The following STAB2 variants were observed in gnomAD, a reference collection of about 807,000 sequenced individuals.
STAB2 encodes stabilin 2.
Under a neutral mutation model 338.1 loss-of-function variants are expected in STAB2, and 288 were observed. The observed-to-expected ratio is 0.85, with a 90% confidence interval of 0.77 to 0.94. The LOEUF (loss-of-function observed/expected upper bound fraction) is 0.94. Ranked by LOEUF, STAB2 falls within the 40% of genes least tolerant of loss-of-function variation. The pLI is 0.00. For missense variants in STAB2, 3,141 were observed against 3,210.1 expected, an observed-to-expected ratio of 0.98 and a Z score of 0.52; for synonymous variants, 1,202 against 1,193.3, an observed-to-expected ratio of 1.01 and a Z score of -0.15.
chr12:103,734,024 A>G (rs1028556196), intron 51 of STAB2, among the ~76,000 whole-genome samples: 1 of 151,528 alleles, frequency 6.6e-6, no homozygotes, highest in Non-Finnish European at 1.5e-5. Flanking sequence ...GCATGATCAT[A>G]TAGGAACAAG....
At position 103,631,642 on chromosome 12, in the gene STAB2, G is replaced by T; in HGVS notation, c.532G>T (p.Asp178Tyr). 6.2e-7 allele frequency: 1 copy of T among 1,614,176 alleles called. No individual in the cohort carries two copies. Among genetic ancestry groups the T allele is most frequent in the South Asian group, 1.1e-5 (1 of 91,080 alleles). The stretch of plus-strand genomic sequence containing the variant: ...GGTGTGCAACAGTGGACTAGATGGC[G>T]ATGGAACCTGTGAGTGCTACTCTGC... ...HGVCNSGLDG[D>Y]GTCECYSAYT... Residue 178 changes from aspartate to tyrosine, a missense_variant, in exon 6 of 69, where the codon GAT becomes TAT. By Grantham distance (160) the Asp-to-Tyr change is radical. Transcript: ENST00000388887.
chr12:103,711,582 T>C, intron 40 of STAB2, 66 bp downstream of exon 40: 1 of 1,562,198 alleles, frequency 6.4e-7, no homozygotes, highest in Non-Finnish European at 8.8e-7. Context: ...TTGTCTACCC[T>C]AGTCTCTATC....
intron 44 of STAB2, among the ~76,000 whole-genome samples, chr12:103,724,601 C>T (rs10861081): frequency 6.6e-6 from 1 of 152,058 alleles, no homozygotes; most frequent in Admixed American, 6.5e-5. Flanking sequence ...CCTGCCTTCT[C>T]TCTGATAATG....
chr12:103,745,641 C>T lies in STAB2; in HGVS notation c.6136+364C>T, dbSNP rs572447716. Among the ~76,000 whole-genome samples the T allele has an allele frequency of 5.3e-5, 8 of 152,176 alleles. No homozygotes were observed. The South Asian group carries it at 1.7e-3, about 32-fold the overall frequency. ...GGTTTCATGGAAATCACTTTGAAGG[C>T]CCGAGACCAGGGTCTGACCCCTGGT... On this transcript the variant is annotated intron_variant, in intron 57 of 68. Coordinates refer to ENST00000388887, the MANE Select transcript of STAB2 (RefSeq NM_017564.10).
rs778999101 is a variant in STAB2, at chr12:103,753,340, C to T, written c.6701C>T (p.Ser2234Phe). The change falls in exon 61 of 69, where the codon TCC becomes TTC. Residue 2234 changes from serine (S) to phenylalanine (F), a missense_variant. Physicochemically the swap from Ser to Phe is radical, Grantham distance 155 (BLOSUM62 -2). Transcript: ENST00000388887. ...AATMATYNQLSYAQKAKYHLC... is the reference protein window; with the variant it reads ...AATMATYNQLFYAQKAKYHLC... ...ACCATGGCAACCTACAACCAGCTCT[C>T]CTATGCCCAGAAGGTGGGTCTTCAG... The T allele has an allele frequency of 3.7e-6, 6 of 1,614,238 alleles. No individual in the cohort carries two copies. Among genetic ancestry groups the T allele is most frequent in the Non-Finnish European group, 5.1e-6 (6 of 1,180,038 alleles).
In STAB2 at chr12:103,660,389, G is replaced by T; in HGVS notation, c.1788+5G>T. The T allele has an allele frequency of 6.2e-7, 1 of 1,614,018 alleles. No homozygotes were observed. The highest frequency in any genetic ancestry group is 1.1e-5 in the South Asian group (1 of 91,070). On this transcript the variant is annotated splice_donor_5th_base_variant and intron_variant, in intron 16 of 68. Coordinates refer to ENST00000388887, the MANE Select transcript of STAB2 (RefSeq NM_017564.10). ...CACATTGTCCCATTTACCCAGGTTGGCCCCACTTTTCCTGCTGCTACTTTC... is the reference window on the plus strand; with the variant it reads ...CACATTGTCCCATTTACCCAGGTTGTCCCCACTTTTCCTGCTGCTACTTTC...
At chr12:103,664,906 C>T (rs1874942830) in intron 18 of STAB2, among the ~76,000 whole-genome samples, 1 of 152,182 alleles carries the variant, frequency 6.6e-6, no homozygotes, top group Non-Finnish European at 1.5e-5. Flanking sequence ...TAGCCAGTCC[C>T]CAGCAGTGAT....
intron 52 of STAB2, among the ~76,000 whole-genome samples, chr12:103,737,038 C>A (rs940540642): frequency 6.6e-6 from 1 of 152,180 alleles, no homozygotes; most frequent in Non-Finnish European, 1.5e-5. Flanking sequence ...AAAGTTAAAG[C>A]CTGTCACTTG....
intron 2 of STAB2, 128 bp downstream of exon 2, chr12:103,591,158 A>C: frequency 1.1e-5 from 14 of 1,246,260 alleles, no homozygotes; most frequent in Non-Finnish European, 1.5e-5. Context: ...TAGGTAACTC[A>C]CAATTTATGA....
At chr12:103,708,305 AAGACCCCTGT>A in intron 38 of STAB2, 126 bp from the exon 39 acceptor site, 1 of 810,622 alleles carries the variant, frequency 1.2e-6, no homozygotes, top group South Asian at 1.7e-5. Context: ...TTTGTGATTC[AAGACCCCTGT>A]TAAAGACTAT....
chr12:103,649,578 A>G (rs1010709916), intron 10 of STAB2, among the ~76,000 whole-genome samples: 5 of 152,262 alleles, frequency 3.3e-5, no homozygotes, highest in African/African-American at 9.6e-5. Flanking sequence ...GGAATTTACC[A>G]GTTGCCAAAA....
At chr12:103,674,637 T>C (rs1238046479) in intron 23 of STAB2, among the ~76,000 whole-genome samples, 2 of 152,202 alleles carry the variant, frequency 1.3e-5, no homozygotes, top group Non-Finnish European at 2.9e-5. Context: ...GTTTCCTTAA[T>C]ACTGTCTAGC....
At chr12:103,754,618 T>C (rs534623443) in intron 61 of STAB2, among the ~76,000 whole-genome samples, 11 of 152,058 alleles carry the variant, frequency 7.2e-5, no homozygotes, top group Admixed American at 3.3e-4. Flanking sequence ...ACAATAATTA[T>C]AATAACGATG....
At chr12:103,645,676 T>G (rs959992734) in intron 9 of STAB2, among the ~76,000 whole-genome samples, 3 of 152,222 alleles carry the variant, frequency 2.0e-5, no homozygotes, top group Non-Finnish European at 2.9e-5. Context: ...GACATTTAAG[T>G]AGGAAACTAT....
intron 24 of STAB2, among the ~76,000 whole-genome samples, 190 bp downstream of exon 24, chr12:103,676,211 G>GCA (rs1223612372): frequency 6.6e-6 from 1 of 151,962 alleles, no homozygotes; most frequent in Non-Finnish European, 1.5e-5. Context: ...ACAGGCACGT[G>GCA]CCACCACCCC....
intron 3 of STAB2, among the ~76,000 whole-genome samples, chr12:103,598,899 G>A (rs577813645): frequency 6.6e-6 from 1 of 152,278 alleles, no homozygotes; most frequent in South Asian, 2.1e-4. Context: ...GGAGCTCACA[G>A]ACTAATGAGG....
intron 63 of STAB2, among the ~76,000 whole-genome samples, chr12:103,756,197 C>T (rs1028008628): frequency 2.6e-5 from 4 of 152,168 alleles, no homozygotes; most frequent in Admixed American, 6.5e-5. Context: ...AGTCAATTTG[C>T]GTCTTGCACT....
chr12:103,759,015 C>T (rs542161917), intron 64 of STAB2, 118 bp from the exon 65 acceptor site: 2 of 1,537,898 alleles, frequency 1.3e-6, no homozygotes, highest in South Asian at 2.3e-5. Context: ...CTGATCTCCA[C>T]ATGGAGGCAG....
chr12:103,587,566 A>T lies in STAB2; in HGVS notation c.81+9A>T. On this transcript the variant is annotated intron_variant, in intron 1 of 68. Transcript: ENST00000388887. ...CTGAAACCACAGGGCAGGTAAGAGG[A>T]GACTTACATATTTTTTTCATTTGTT... The T allele has an allele frequency of 1.9e-6, 3 of 1,610,142 alleles. No individual in the cohort carries two copies. The South Asian group carries it at 3.3e-5, about 18-fold the overall frequency.
Sources: gnomAD v4.1 joint callset for allele counts (sites outside exome capture counted in the v4.1 genomes callset) on GRCh38, gnomAD v4.1.1 for gene constraint, MANE v1.5 for transcripts, NCBI Gene and HGNC (gene_info 2026-07-23, HGNC 2026-07-21) for gene names.